Variants in CSMD1 observed in about 807,000 individuals in gnomAD.
The protein encoded by CSMD1 is CUB and sushi domain-containing protein 1.
A neutral mutation model predicts 417.5 loss-of-function variants in CSMD1; 213 were observed. The observed-to-expected ratio is 0.51, with a 90% CI of 0.46 to 0.57. The LOEUF (loss-of-function observed/expected upper bound fraction) is 0.57. CSMD1 is among the 20% of genes least tolerant of loss of function. CSMD1 has a pLI of 0.00. For missense variants in CSMD1, 6,923 were observed against 4,529.7 expected (o/e 1.53, Z -15.17); for synonymous variants, 2,862 against 1,736.8 (o/e 1.65, Z -16.11).
intron 21 of CSMD1, among the ~76,000 whole-genome samples, 194 bp from the exon 22 acceptor site, chr8:3,348,355 C>T (rs1390465213): frequency 6.6e-6 from 1 of 152,124 alleles, no homozygotes; most frequent in African/African-American, 2.4e-5. Flanking sequence ...CCCCACCTAG[C>T]TCATTTTGAA....
At chr8:4,573,342 C>T (rs7012116) in intron 2 of CSMD1, among the ~76,000 whole-genome samples, 67,316 of 151,934 alleles carry the variant, frequency 0.44, 15,375 homozygotes, top group African/African-American at 0.56. Context: ...CGCTATTCCT[C>T]TCTGCTTGTT....
intron 4 of CSMD1, among the ~76,000 whole-genome samples, chr8:4,012,840 G>C (rs762565012): frequency 1.3e-5 from 2 of 152,118 alleles, no homozygotes; most frequent in South Asian, 2.1e-4. Flanking sequence ...TGCACGAGAA[G>C]ACACACGGTG....
intron 53 of CSMD1, among the ~76,000 whole-genome samples, chr8:2,999,030 T>G (rs1338472424): frequency 2.0e-5 from 3 of 152,220 alleles, no homozygotes; most frequent in African/African-American, 7.2e-5. Context: ...TAAGGGAAAT[T>G]GGGCAATAAA....
In CSMD1 at chr8:3,967,457, GA is replaced by G. The variant is rs10560472; in HGVS notation, c.818+30445del. On this transcript the variant is annotated intron_variant, in intron 5 of 69. Transcript: ENST00000635120. ...CCTCATTCAGGATCTTTGCTAAAAG[GA>G]AAAAAAAAAAAACAGATGGAAAGTT... Among the ~76,000 whole-genome samples the G allele has an allele frequency of 6.0e-3, 890 of 149,498 alleles. 10 individuals carry two copies. Among genetic ancestry groups the G allele is most frequent in the African/African-American group, 0.019 (760 of 40,984 alleles).
chr8:3,198,401 T>G (rs1444741199), intron 33 of CSMD1, among the ~76,000 whole-genome samples: 1 of 152,212 alleles, frequency 6.6e-6, no homozygotes, highest in Non-Finnish European at 1.5e-5. Flanking sequence ...TTGAAAAAAT[T>G]AGAAGTAGTA....
intron 3 of CSMD1, among the ~76,000 whole-genome samples, chr8:4,116,973 TA>T (rs1802190475): frequency 6.6e-6 from 1 of 152,044 alleles, no homozygotes; most frequent in Non-Finnish European, 1.5e-5. Flanking sequence ...GGTAAGAGGC[TA>T]CACCTAGTGA....
At chr8:3,522,841 G>C (rs547616645) in intron 10 of CSMD1, among the ~76,000 whole-genome samples, 1 of 150,028 alleles carries the variant, frequency 6.7e-6, no homozygotes, top group South Asian at 2.1e-4. Context: ...TAATTTGTTA[G>C]ATATATATAA....
intron 1 of CSMD1, among the ~76,000 whole-genome samples, chr8:4,845,568 T>G (rs1407397447): frequency 6.6e-6 from 1 of 152,242 alleles, no homozygotes; most frequent in Admixed American, 6.5e-5. Flanking sequence ...TTCTTAGAAT[T>G]TCTATAGTCA....
At chr8:3,213,745 A>G (rs1241694121) in intron 30 of CSMD1, among the ~76,000 whole-genome samples, 1 of 150,782 alleles carries the variant, frequency 6.6e-6, no homozygotes, top group African/African-American at 2.4e-5. Context: ...ATGTAAAAAT[A>G]TATGTGTGTG....
intron 2 of CSMD1, among the ~76,000 whole-genome samples, chr8:4,492,064 C>G (rs1298849673): frequency 2.0e-5 from 3 of 151,886 alleles, no homozygotes; most frequent in Non-Finnish European, 2.9e-5. Flanking sequence ...AACGACCTGT[C>G]AAGACACAAA....
chr8:3,953,981 T>G (rs3116097), intron 5 of CSMD1, among the ~76,000 whole-genome samples: 11 of 152,184 alleles, frequency 7.2e-5, no homozygotes, highest in African/African-American at 1.4e-4. Flanking sequence ...GAGCCCTTCC[T>G]TCCTCTGGTG....
intron 21 of CSMD1, among the ~76,000 whole-genome samples, chr8:3,352,328 A>C (rs1563301429): frequency 1.3e-5 from 2 of 152,208 alleles, no homozygotes; most frequent in Non-Finnish European, 2.9e-5. Context: ...GTTGAATTTT[A>C]AAGACTTTAA....
chr8:3,965,860 G>A (rs1164029084), intron 5 of CSMD1, among the ~76,000 whole-genome samples: 1 of 152,102 alleles, frequency 6.6e-6, no homozygotes, highest in Non-Finnish European at 1.5e-5. Flanking sequence ...CTCATACTGT[G>A]CCAGCCTTGG....
In CSMD1 at chr8:4,181,621, A is replaced by G. The variant is rs530866506; in HGVS notation, c.416-149522T>C. On this transcript the variant is annotated intron_variant, in intron 3 of 69. Transcript: ENST00000635120. ...TTGCTATAAGGCTTAAAATTCATTT[A>G]TATTTACATTCCATTGCCTGTAAGA... 1.5e-3 allele frequency among the ~76,000 whole-genome samples: 223 copies of G among 152,344 alleles called. 1 individual carries two copies. The highest frequency in any genetic ancestry group is 5.2e-3 in the African/African-American group (215 of 41,580).
intron 3 of CSMD1, among the ~76,000 whole-genome samples, chr8:4,325,232 C>T (rs919912264): frequency 6.6e-6 from 1 of 152,134 alleles, no homozygotes; most frequent in Non-Finnish European, 1.5e-5. Flanking sequence ...TTCCCCTGAA[C>T]CAGGAATGTG....
chr8:3,252,085 C>T (rs991509776), intron 26 of CSMD1, among the ~76,000 whole-genome samples: 1 of 152,244 alleles, frequency 6.6e-6, no homozygotes, highest in Non-Finnish European at 1.5e-5. Flanking sequence ...CTGGCCAGAA[C>T]TTCCAACACT....
chr8:4,363,366 G>C (rs566389019), intron 3 of CSMD1, among the ~76,000 whole-genome samples: 1 of 152,270 alleles, frequency 6.6e-6, no homozygotes, highest in Non-Finnish European at 1.5e-5. Context: ...GTGTATGCAT[G>C]TGCGTGCATG....
rs373793666 is a variant in CSMD1 at position 4,725,015 on chromosome 8, G to T, written c.86-87457C>A. ...TGAGGGAAAAGTCGTGAAAGAACAC[G>T]TTTTAAATATTTATACTTTTGCTAT... On this transcript the variant is annotated intron_variant, in intron 1 of 69. Coordinates refer to ENST00000635120, the MANE Select transcript of CSMD1 (RefSeq NM_033225.6). Among the ~76,000 whole-genome samples the T allele has an allele frequency of 1.5e-3, 223 of 152,162 alleles. 7 individuals carry two copies. In the South Asian group the frequency reaches 0.04, roughly 28 times the overall value.
At chr8:3,388,459 C>A (rs182557791) in intron 17 of CSMD1, among the ~76,000 whole-genome samples, 1 of 152,144 alleles carries the variant, frequency 6.6e-6, no homozygotes, top group East Asian at 1.9e-4. Flanking sequence ...ATAAAAAATC[C>A]TTGTTATTGC....
Sources: gnomAD v4.1 joint callset for allele counts (sites outside exome capture counted in the v4.1 genomes callset) on GRCh38, gnomAD v4.1.1 for gene constraint, MANE v1.5 for transcripts, NCBI Gene and HGNC (gene_info 2026-07-23, HGNC 2026-07-21) for gene names.